GPC5: variants seen among roughly 807,000 people sequenced by gnomAD.
GPC5 encodes the protein glypican-5.
GPC5 carries 47 observed loss-of-function variants against 53.9 expected under a neutral mutation model. That is an observed-to-expected ratio of 0.87 (90% confidence interval 0.69 to 1.11). The LOEUF is 1.11. GPC5 is among the 50% of genes most tolerant of loss of function. The probability of loss-of-function intolerance (pLI) is 0.00; values close to 1 mark genes in which losing one functional copy is unlikely to be tolerated. For synonymous variants in GPC5, 286 were observed against 263.3 expected, an observed-to-expected ratio of 1.09 and a Z score of -0.84; for missense variants, 748 against 713.1, an observed-to-expected ratio of 1.05 and a Z score of -0.56.
intron 6 of GPC5, among the ~76,000 whole-genome samples, chr13:92,120,867 A>G (rs978961710): frequency 1.3e-5 from 2 of 152,208 alleles, no homozygotes; most frequent in African/African-American, 4.8e-5. Context: ...TCATATTCAA[A>G]TGAATTTGAA....
chr13:92,091,912 A>G (rs2041384218), intron 6 of GPC5, among the ~76,000 whole-genome samples: 1 of 152,180 alleles, frequency 6.6e-6, no homozygotes. Flanking sequence ...TCATTTTCCT[A>G]AAACACCAAC....
intron 7 of GPC5, among the ~76,000 whole-genome samples, chr13:92,521,946 C>A (rs1396912720): frequency 6.6e-6 from 1 of 152,194 alleles, no homozygotes; most frequent in South Asian, 2.1e-4. Flanking sequence ...AAACAAACAA[C>A]CCCATCAACA....
At chr13:92,189,924 C>G (rs1437463952) in intron 7 of GPC5, among the ~76,000 whole-genome samples, 1 of 152,000 alleles carries the variant, frequency 6.6e-6, no homozygotes, top group Non-Finnish European at 1.5e-5. Context: ...AGGAAAGGAA[C>G]AGAAGTAACA....
chr13:92,384,417 T>C (rs1474594154), intron 7 of GPC5, among the ~76,000 whole-genome samples: 4 of 152,130 alleles, frequency 2.6e-5, no homozygotes, highest in African/African-American at 4.8e-5. Flanking sequence ...AATTCACTTT[T>C]AAAAAATCAA....
At chr13:92,391,783 C>T (rs1000034887) in intron 7 of GPC5, among the ~76,000 whole-genome samples, 54 of 152,166 alleles carry the variant, frequency 3.5e-4, no homozygotes, top group African/African-American at 1.3e-3. Context: ...CACCAAAAGT[C>T]CTTTAGGGGA....
chr13:91,632,520 G>A (rs540938829), intron 2 of GPC5, among the ~76,000 whole-genome samples: 2 of 152,062 alleles, frequency 1.3e-5, no homozygotes, highest in African/African-American at 4.8e-5. Flanking sequence ...TAAAATATCT[G>A]GGCCAAAAAA....
At chr13:91,693,164 T>C (rs1465173913) in intron 2 of GPC5, 23 bp from the exon 3 acceptor site, 1 of 1,560,870 alleles carries the variant, frequency 6.4e-7, no homozygotes, top group Admixed American at 1.7e-5. Flanking sequence ...CCTTCTCATG[T>C]TTTACCTCTG....
intron 7 of GPC5, among the ~76,000 whole-genome samples, chr13:92,209,412 A>C (rs1457322513): frequency 2.0e-5 from 3 of 152,178 alleles, no homozygotes; most frequent in Non-Finnish European, 4.4e-5. Context: ...GTTAAGTTTC[A>C]ACTTTGCCCT....
intron 6 of GPC5, among the ~76,000 whole-genome samples, chr13:92,120,679 A>T (rs924992187): frequency 1.3e-5 from 2 of 152,230 alleles, no homozygotes; most frequent in Non-Finnish European, 2.9e-5. Context: ...ACATTTATAC[A>T]TATGTATGTA....
chr13:92,635,442 T>C (rs1204197315), intron 7 of GPC5, among the ~76,000 whole-genome samples: 6 of 151,982 alleles, frequency 3.9e-5, no homozygotes, highest in Non-Finnish European at 5.9e-5. Context: ...TGGCAGGAAG[T>C]GGAAGGTAGA....
intron 6 of GPC5, among the ~76,000 whole-genome samples, chr13:92,070,136 T>A (rs969243389): frequency 4.6e-5 from 7 of 152,002 alleles, no homozygotes; most frequent in African/African-American, 1.7e-4. Flanking sequence ...AAATAAAGCA[T>A]GAGAAGGAAC....
intron 7 of GPC5, among the ~76,000 whole-genome samples, chr13:92,457,244 C>A (rs1485483009): frequency 1.3e-5 from 2 of 152,100 alleles, no homozygotes; most frequent in Non-Finnish European, 2.9e-5. Context: ...TCCAATCCAC[C>A]ACTGACAGGC....
At chr13:92,608,255 G>A (rs1295911158) in intron 7 of GPC5, among the ~76,000 whole-genome samples, 1 of 152,108 alleles carries the variant, frequency 6.6e-6, no homozygotes, top group Non-Finnish European at 1.5e-5. Context: ...CATTCTTCGA[G>A]GGTCAACTGT....
chr13:92,172,122 TG>T (rs1457747504), intron 7 of GPC5, among the ~76,000 whole-genome samples: 1 of 152,192 alleles, frequency 6.6e-6, no homozygotes, highest in African/African-American at 2.4e-5. Flanking sequence ...CATTCCTAAA[TG>T]AATAAAAGAA....
chr13:92,227,700 GC>G (rs974478620), intron 7 of GPC5, among the ~76,000 whole-genome samples: 33 of 144,394 alleles, frequency 2.3e-4, no homozygotes, highest in African/African-American at 8.4e-4. Context: ...CTATATTGGT[GC>G]CCCCAACCCC....
intron 7 of GPC5, among the ~76,000 whole-genome samples, chr13:92,248,210 A>T (rs1368284581): frequency 2.0e-5 from 3 of 152,096 alleles, no homozygotes; most frequent in Non-Finnish European, 4.4e-5. Flanking sequence ...AGGAAAAAAA[A>T]AAAAACAGAT....
At chr13:92,329,123 C>T (rs1230639550) in intron 7 of GPC5, among the ~76,000 whole-genome samples, 1 of 152,086 alleles carries the variant, frequency 6.6e-6, no homozygotes, top group Non-Finnish European at 1.5e-5. Flanking sequence ...AGTCATCCTT[C>T]TTATAACATT....
intron 7 of GPC5, among the ~76,000 whole-genome samples, chr13:92,851,621 C>T (rs949733064): frequency 3.9e-5 from 6 of 151,922 alleles, no homozygotes; most frequent in Non-Finnish European, 8.8e-5. Context: ...GTGGCTCGCT[C>T]CTGTAATCCG....
chr13:91,460,010 A>G (rs969385719), intron 2 of GPC5, among the ~76,000 whole-genome samples: 12 of 152,186 alleles, frequency 7.9e-5, no homozygotes, highest in Non-Finnish European at 1.5e-4. Flanking sequence ...ATAGCATTGT[A>G]TAAAGTTATA....
Sources: gnomAD v4.1 joint callset for allele counts (sites outside exome capture counted in the v4.1 genomes callset) on GRCh38, gnomAD v4.1.1 for gene constraint, MANE v1.5 for transcripts, NCBI Gene and HGNC (gene_info 2026-07-23, HGNC 2026-07-21) for gene names.